The following GRIK2 variants were observed in gnomAD, a reference collection of about 807,000 sequenced individuals.
The protein encoded by GRIK2 is glutamate ionotropic receptor kainate type subunit 2.
A neutral mutation model predicts 100.3 loss-of-function variants in GRIK2; 32 were observed. The observed-to-expected ratio is 0.32, with a 90% CI of 0.24 to 0.43. GRIK2 has a LOEUF of 0.43. GRIK2 is among the 20% of genes least tolerant of loss of function. The pLI, the probability that GRIK2 is intolerant of heterozygous loss-of-function variation, is 1.00. For missense variants in GRIK2, 843 were observed against 1,114.9 expected, an observed-to-expected ratio of 0.76 and a Z score of 3.47; for synonymous variants, 417 against 389.4, an observed-to-expected ratio of 1.07 and a Z score of -0.83.
intron 7 of GRIK2, among the ~76,000 whole-genome samples, chr6:101,702,784 A>C (rs1772986137): frequency 6.6e-6 from 1 of 151,870 alleles, no homozygotes; most frequent in Non-Finnish European, 1.5e-5. Context: ...AGGATAAGAA[A>C]TAGGTAGCCA....
intron 2 of GRIK2, among the ~76,000 whole-genome samples, chr6:101,555,834 T>A (rs1313005794): frequency 6.6e-6 from 1 of 152,138 alleles, no homozygotes; most frequent in African/African-American, 2.4e-5. Flanking sequence ...AGGTTATGAG[T>A]GGAGAATTTT....
intron 4 of GRIK2, among the ~76,000 whole-genome samples, chr6:101,673,281 G>C (rs1206743285): frequency 6.6e-6 from 1 of 152,002 alleles, no homozygotes; most frequent in Admixed American, 6.6e-5. Flanking sequence ...TAATCATTAG[G>C]GAAATGCAAA....
Position 101,636,820 on chromosome 6 carries a change from T to G in GRIK2, c.541+10183T>G, listed in dbSNP as rs143337839. Among the ~76,000 whole-genome samples the G allele has an allele frequency of 3.4e-3, 511 of 152,226 alleles. 2 individuals are homozygous for G. Among genetic ancestry groups the G allele is most frequent in the African/African-American group, 0.012 (499 of 41,554 alleles). On this transcript the variant is annotated intron_variant, in intron 4 of 16. Coordinates refer to ENST00000369134, the MANE Select transcript of GRIK2 (RefSeq NM_021956.5). ...AGTCAAACACTGCCATTTTTTAATT[T>G]ACATTTTTCTAAATTTAAGCATATT...
chr6:101,825,703 A>C (rs1337225122), intron 10 of GRIK2, among the ~76,000 whole-genome samples: 1 of 152,102 alleles, frequency 6.6e-6, no homozygotes, highest in Non-Finnish European at 1.5e-5. Context: ...ATGGTTGAAG[A>C]CTATTTTATT....
At chr6:101,612,978 A>G (rs1779748375) in intron 2 of GRIK2, among the ~76,000 whole-genome samples, 1 of 151,780 alleles carries the variant, frequency 6.6e-6, no homozygotes, top group African/African-American at 2.4e-5. Flanking sequence ...TTAGTCATTG[A>G]AAGATTTTAG....
At chr6:101,896,612 T>C (rs1787461612) in intron 12 of GRIK2, among the ~76,000 whole-genome samples, 1 of 151,770 alleles carries the variant, frequency 6.6e-6, no homozygotes, top group Non-Finnish European at 1.5e-5. Context: ...ATAGCCCATC[T>C]TTATTTTTCA....
chr6:101,432,764 A>C (rs927484246), intron 2 of GRIK2, among the ~76,000 whole-genome samples: 1 of 152,228 alleles, frequency 6.6e-6, no homozygotes, highest in South Asian at 2.1e-4. Flanking sequence ...ATTAAAGAGC[A>C]CAATAGTGAC....
intron 12 of GRIK2, among the ~76,000 whole-genome samples, chr6:101,909,378 T>TTTTTTTTTG (rs774868812): frequency 1.2e-4 from 15 of 120,394 alleles, no homozygotes; most frequent in African/African-American, 4.1e-4. Context: ...AGGGTTTTCT[T>TTTTTTTTTG]TTTCTTTTTT....
intron 11 of GRIK2, among the ~76,000 whole-genome samples, chr6:101,875,954 T>G (rs531136547): frequency 2.8e-4 from 42 of 152,000 alleles, no homozygotes; most frequent in African/African-American, 9.6e-4. Context: ...ATAGACAGTC[T>G]TCTGTGGAGT....
At chr6:101,578,424 C>T (rs987127371) in intron 2 of GRIK2, among the ~76,000 whole-genome samples, 1 of 152,100 alleles carries the variant, frequency 6.6e-6, no homozygotes, top group Admixed American at 6.6e-5. Flanking sequence ...GTCTCAGTTC[C>T]ACTTTATAAA....
intron 12 of GRIK2, among the ~76,000 whole-genome samples, chr6:101,899,088 T>C (rs2128460884): frequency 6.7e-6 from 1 of 149,862 alleles, no homozygotes; most frequent in Non-Finnish European, 1.5e-5. Flanking sequence ...GAGAGGTTTC[T>C]TTTTGTTGTT....
At chr6:101,982,860 C>T (rs1793800030) in intron 14 of GRIK2, among the ~76,000 whole-genome samples, 1 of 151,674 alleles carries the variant, frequency 6.6e-6, no homozygotes, top group Non-Finnish European at 1.5e-5. Context: ...TTAGAGACAG[C>T]ATGGGAGCCA....
chr6:101,722,484 G>T (rs928334224), intron 7 of GRIK2, among the ~76,000 whole-genome samples: 4 of 151,954 alleles, frequency 2.6e-5, no homozygotes, highest in Non-Finnish European at 5.9e-5. Context: ...TACTATTGAG[G>T]TTGTTTGTAT....
At chr6:101,997,607 CCA>C (rs1794717015) in intron 14 of GRIK2, among the ~76,000 whole-genome samples, 1 of 152,038 alleles carries the variant, frequency 6.6e-6, no homozygotes, top group Non-Finnish European at 1.5e-5. Context: ...ATAAGAGTCA[CCA>C]CACAGTGTTA....
chr6:101,554,468 T>A (rs1423222263), intron 2 of GRIK2, among the ~76,000 whole-genome samples: 1 of 152,160 alleles, frequency 6.6e-6, no homozygotes, highest in Non-Finnish European at 1.5e-5. Context: ...TTAAAAGATA[T>A]GTGTGTTAGA....
chr6:101,781,348 A>G (rs1779081600), intron 7 of GRIK2, among the ~76,000 whole-genome samples: 1 of 152,166 alleles, frequency 6.6e-6, no homozygotes, highest in Non-Finnish European at 1.5e-5. Flanking sequence ...TCCATACTTG[A>G]TGATTTAAAT....
intron 9 of GRIK2, among the ~76,000 whole-genome samples, chr6:101,815,726 C>T (rs572912262): frequency 6.6e-6 from 1 of 151,830 alleles, no homozygotes; most frequent in Non-Finnish European, 1.5e-5. Context: ...TGTTTTTTGC[C>T]ATTAAAACAA....
chr6:101,450,861 G>A (rs1372365112), intron 2 of GRIK2, among the ~76,000 whole-genome samples: 2 of 151,678 alleles, frequency 1.3e-5, no homozygotes, highest in African/African-American at 4.8e-5. Context: ...TATTTTTTGT[G>A]TGTGTTTAGC....
intron 2 of GRIK2, among the ~76,000 whole-genome samples, chr6:101,435,872 C>T (rs1191289137): frequency 6.6e-6 from 1 of 152,056 alleles, no homozygotes; most frequent in Non-Finnish European, 1.5e-5. Context: ...TCAAAGCTTC[C>T]TGGATCTAGC....
Sources: allele counts gnomAD v4.1 joint callset (sites outside exome capture counted in the v4.1 genomes callset), GRCh38; gene constraint gnomAD v4.1.1; transcripts MANE v1.5; gene names NCBI Gene and HGNC (gene_info 2026-07-23, HGNC 2026-07-21).